ZFPM1: variants seen among roughly 807,000 people sequenced by gnomAD.
ZFPM1 encodes zinc finger protein, FOG family member 1.
ZFPM1 carries 28 observed loss-of-function variants against 46.3 expected under a neutral mutation model. That is an observed-to-expected ratio of 0.60 (90% CI 0.45 to 0.83). The LOEUF (loss-of-function observed/expected upper bound fraction) is 0.83, where lower values mean the gene tolerates loss of function less well. Among genes scored for constraint, ZFPM1 ranks in the 40% least tolerant of loss-of-function variants. The probability of loss-of-function intolerance (pLI) is 0.00; values close to 1 mark genes in which losing one functional copy is unlikely to be tolerated. For synonymous variants in ZFPM1, 957 were observed against 675.9 expected (o/e 1.42, Z -6.45); for missense variants, 1,878 against 1,432.4 (o/e 1.31, Z -5.02).
chr16:88,514,582 G>A (rs1911177749), intron 4 of ZFPM1, 62 bp downstream of exon 4: 1 of 1,475,294 alleles, frequency 6.8e-7, no homozygotes, highest in African/African-American at 1.4e-5. Flanking sequence ...ATGGACCCAG[G>A]GGACAGGCCC....
intron 4 of ZFPM1, among the ~76,000 whole-genome samples, chr16:88,525,730 G>C (rs1912261124): frequency 2.0e-5 from 3 of 152,212 alleles, no homozygotes; most frequent in Admixed American, 2.0e-4. Context: ...CTTGATGTCT[G>C]ACCAGTGTTG....
At chr16:88,455,862 G>A (rs1004457359) in intron 1 of ZFPM1, among the ~76,000 whole-genome samples, 1 of 152,186 alleles carries the variant, frequency 6.6e-6, no homozygotes, top group South Asian at 2.1e-4. Flanking sequence ...CGGGGAGCGC[G>A]GGGCCGGGGC....
chr16:88,489,261 G>T (rs1164193060), intron 3 of ZFPM1, 108 bp downstream of exon 3: 1 of 1,446,956 alleles, frequency 6.9e-7, no homozygotes. Context: ...GGTTGCTGGA[G>T]ACCCACCAGG....
Position 88,535,048 on chromosome 16 carries a change from C to A in ZFPM1, c.*69C>A. ...ATGCGGGGAGGGGGCCGCCCCCAGG[C>A]CGCACGGACTGCCGCTCCTGGGAAC... On this transcript the variant is annotated 3_prime_UTR_variant, in exon 10 of 10. Coordinates refer to ENST00000319555, the MANE Select transcript of ZFPM1 (RefSeq NM_153813.3). 1.5e-6 allele frequency: 2 copies of A among 1,343,912 alleles called. No homozygotes were observed. The highest frequency in any genetic ancestry group is 3.9e-5 in the South Asian group (2 of 51,790). 83.2% of individuals were successfully genotyped at this position (1,343,912 alleles called of 1,614,324 possible). A position where few individuals can be genotyped will look rare whatever the true frequency, so the allele number is the denominator to read the frequency against.
intron 3 of ZFPM1, among the ~76,000 whole-genome samples, chr16:88,493,583 T>G (rs1171415124): frequency 5.2e-4 from 22 of 42,690 alleles, no homozygotes; most frequent in South Asian, 7.7e-4. Context: ...CGGGGTGTGG[T>G]GAGCTGTCCC....
chr16:88,496,703 C>G (rs1416489671), intron 3 of ZFPM1, among the ~76,000 whole-genome samples: 1 of 152,096 alleles, frequency 6.6e-6, no homozygotes, highest in Admixed American at 6.5e-5. Flanking sequence ...GACCCTCACC[C>G]ACACACTGCT....
chr16:88,523,666 C>A (rs1276833984), intron 4 of ZFPM1, among the ~76,000 whole-genome samples: 1 of 152,240 alleles, frequency 6.6e-6, no homozygotes, highest in Non-Finnish European at 1.5e-5. Context: ...GGGAGGCCCT[C>A]ACCCCTTCCC....
At chr16:88,529,518 C>T (rs971593510) in intron 6 of ZFPM1, among the ~76,000 whole-genome samples, 3 of 152,328 alleles carry the variant, frequency 2.0e-5, no homozygotes, top group Non-Finnish European at 4.4e-5. Flanking sequence ...AGTGTCCTGA[C>T]ATCAAGACAC....
chr16:88,475,517 G>GC (rs577252913), intron 1 of ZFPM1, among the ~76,000 whole-genome samples: 13 of 152,048 alleles, frequency 8.5e-5, no homozygotes, highest in East Asian at 7.7e-4. Flanking sequence ...GGGGTCCGGG[G>GC]GGGGGAGCAC....
At chr16:88,466,079 A>C (rs1343418655) in intron 1 of ZFPM1, among the ~76,000 whole-genome samples, 2 of 152,202 alleles carry the variant, frequency 1.3e-5, no homozygotes, top group African/African-American at 4.8e-5. Flanking sequence ...CAGTGGGTGC[A>C]GGCCAGCTTG....
rs930541648 is a variant in ZFPM1, at chr16:88,471,385, G to A, written c.41-14554G>A. ...CGCTCACAGTTCAGGACCCCGAGAT[G>A]ACCGTGCCCACAGTGGCTCCCACGC... On this transcript the variant is annotated intron_variant, in intron 1 of 9. Transcript: ENST00000319555. The surrounding 1 kb of genome is among the most constrained non-coding windows in gnomAD (Gnocchi z 4.1). Among the ~76,000 whole-genome samples, 1 of 152,166 alleles carries A rather than the reference G, an allele frequency of 6.6e-6. No individual in the cohort carries two copies. Among genetic ancestry groups the A allele is most frequent in the East Asian group, 1.9e-4 (1 of 5,182 alleles).
chr16:88,468,116 C>T (rs1370706109), intron 1 of ZFPM1, among the ~76,000 whole-genome samples: 3 of 142,698 alleles, frequency 2.1e-5, no homozygotes, highest in African/African-American at 7.8e-5. Context: ...GCGAGCCCAC[C>T]GCCCCTCACG....
intron 6 of ZFPM1, among the ~76,000 whole-genome samples, chr16:88,529,832 A>C (rs1389525580): frequency 6.6e-6 from 1 of 152,188 alleles, no homozygotes; most frequent in African/African-American, 2.4e-5. Flanking sequence ...CCAGCTGGCC[A>C]GAGGGGGATG....
intron 1 of ZFPM1, among the ~76,000 whole-genome samples, chr16:88,473,656 C>A (rs1356444034): frequency 6.6e-6 from 1 of 152,188 alleles, no homozygotes; most frequent in Non-Finnish European, 1.5e-5. Flanking sequence ...GCCCCCGCCC[C>A]ATCTATCAGC....
In ZFPM1 at chr16:88,481,356, G is replaced by A. The variant is rs965567903; in HGVS notation, c.41-4583G>A. ...GAGGCGTGGGGTCCGTGTCTGGCTC[G>A]GGGAAGGGCTACGTGCTGGGTGCAG... is the stretch of plus-strand genomic sequence containing the variant. On this transcript the variant is annotated intron_variant, in intron 1 of 9. Transcript: ENST00000319555. 3.9e-5 allele frequency among the ~76,000 whole-genome samples: 6 copies of A among 152,248 alleles called. No individual in the cohort carries two copies. In the South Asian group the frequency reaches 8.3e-4, roughly 21 times the overall value.
intron 7 of ZFPM1, 37 bp downstream of exon 7, chr16:88,532,272 C>T (rs1304328963): frequency 5.2e-6 from 8 of 1,541,134 alleles, no homozygotes; most frequent in South Asian, 1.2e-5. Flanking sequence ...CTCAGGATGC[C>T]GGCTGCTTCC....
At chr16:88,510,586 C>T (rs1304913471) in intron 3 of ZFPM1, among the ~76,000 whole-genome samples, 1 of 152,216 alleles carries the variant, frequency 6.6e-6, no homozygotes, top group Non-Finnish European at 1.5e-5. Context: ...ATAAATTAGT[C>T]CTTGTCCCAG....
intron 1 of ZFPM1, among the ~76,000 whole-genome samples, chr16:88,461,917 G>A (rs183993851): frequency 6.6e-6 from 1 of 152,234 alleles, no homozygotes; most frequent in African/African-American, 2.4e-5. Context: ...GTTATGTGAC[G>A]TGGGAGCTGG....
In ZFPM1 at chr16:88,485,975, A is replaced by C; in HGVS notation, c.77A>C (p.Gln26Pro). 2.5e-6 allele frequency: 4 copies of C among 1,612,840 alleles called. No homozygotes were observed. Among genetic ancestry groups the C allele is most frequent in the Non-Finnish European group, 3.4e-6 (4 of 1,179,904 alleles). The change falls in exon 2 of 10, where the codon CAG becomes CCG. Residue 26 changes from glutamine (Q) to proline (P), a missense_variant. Gln to Pro is a moderately conservative substitution (Grantham distance 76, BLOSUM62 -1). Coordinates refer to ENST00000319555, the MANE Select transcript of ZFPM1 (RefSeq NM_153813.3). Reference protein sequence around the residue: ...LGDMEAREEVQLVGASHMEQK... With the variant: ...LGDMEAREEVPLVGASHMEQK... ...GACATGGAGGCCAGAGAGGAGGTGCAGTTGGTGGGTGCCAGCCACATGGAG... is the reference window on the plus strand; with the variant it reads ...GACATGGAGGCCAGAGAGGAGGTGCCGTTGGTGGGTGCCAGCCACATGGAG...
Sources: gnomAD v4.1 joint callset for allele counts (sites outside exome capture counted in the v4.1 genomes callset) on GRCh38, gnomAD v4.1.1 for gene constraint, Gnocchi (gnomAD v3.1) non-coding constraint, MANE v1.5 for transcripts, NCBI Gene and HGNC (gene_info 2026-07-23, HGNC 2026-07-21) for gene names.